The following SLC14A2 variants were observed in gnomAD, a reference collection of about 807,000 sequenced individuals.
The protein encoded by SLC14A2 is urea transporter 2.
Under a neutral mutation model 104.6 loss-of-function variants are expected in SLC14A2, and 91 were observed. That is an observed-to-expected ratio of 0.87 (90% confidence interval 0.73 to 1.04). SLC14A2 has a LOEUF of 1.04. Ranked by LOEUF, SLC14A2 falls within the 50% of genes least tolerant of loss-of-function variation. SLC14A2 has a pLI of 0.00. For missense variants in SLC14A2, 1,189 were observed against 1,156.0 expected, an observed-to-expected ratio of 1.03 and a Z score of -0.41; for synonymous variants, 476 against 466.4, an observed-to-expected ratio of 1.02 and a Z score of -0.27.
chr18:45,226,658 G>A (rs1461221666), intron 1 of SLC14A2, among the ~76,000 whole-genome samples: 4 of 134,550 alleles, frequency 3.0e-5, no homozygotes, highest in Non-Finnish European at 4.8e-5. Flanking sequence ...ATCACACAAC[G>A]GGGCCTGTTG....
chr18:45,504,452 G>A (rs566244579), intron 2 of SLC14A2, among the ~76,000 whole-genome samples: 1 of 152,296 alleles, frequency 6.6e-6, no homozygotes, highest in African/African-American at 2.4e-5. Flanking sequence ...CTGGTACATA[G>A]TAGCCATACT....
chr18:45,176,529 A>G, the SLC14A2 span, among the ~76,000 whole-genome samples: 9 of 152,094 alleles, frequency 5.9e-5, no homozygotes, highest in African/African-American at 2.2e-4. Flanking sequence ...TTCCATTTCT[A>G]TGGCTACTCA....
chr18:45,660,355 G>C (rs1485088017), intron 10 of SLC14A2, among the ~76,000 whole-genome samples: 1 of 152,134 alleles, frequency 6.6e-6, no homozygotes, highest in African/African-American at 2.4e-5. Flanking sequence ...TGCCAGGTGT[G>C]CCCTAACGAT....
chr18:45,211,852 G>A (rs1245763881), upstream of SLC14A2, among the ~76,000 whole-genome samples: 3 of 152,196 alleles, frequency 2.0e-5, no homozygotes, highest in Admixed American at 6.5e-5. Flanking sequence ...AGTGGGCTGA[G>A]TTAAGATGAG....
intron 1 of SLC14A2, among the ~76,000 whole-genome samples, chr18:45,214,348 T>C (rs1472210076): frequency 1.3e-5 from 2 of 152,174 alleles, no homozygotes; most frequent in Non-Finnish European, 2.9e-5. Context: ...CTGTGTATCT[T>C]GAGGGAAATC....
At chr18:45,671,482 C>T (rs1389734181) in intron 16 of SLC14A2, among the ~76,000 whole-genome samples, 1 of 152,102 alleles carries the variant, frequency 6.6e-6, no homozygotes, top group African/African-American at 2.4e-5. Flanking sequence ...AATGTTGAGT[C>T]CCCACGGCTT....
chr18:45,644,240 C>T, intron 10 of SLC14A2, 80 bp downstream of exon 10: 1 of 1,419,612 alleles, frequency 7.0e-7, no homozygotes, highest in Non-Finnish European at 9.8e-7. Context: ...CTGGTTCAAT[C>T]AGTTGCAGCA....
At chr18:45,637,803 T>C (rs1295104751) in intron 6 of SLC14A2, among the ~76,000 whole-genome samples, 1 of 152,192 alleles carries the variant, frequency 6.6e-6, no homozygotes, top group Non-Finnish European at 1.5e-5. Flanking sequence ...TTTTCCTTTT[T>C]GTTTAATCAG....
intron 1 of SLC14A2, among the ~76,000 whole-genome samples, chr18:45,361,601 T>G (rs2085611791): frequency 6.6e-6 from 1 of 151,980 alleles, no homozygotes; most frequent in Admixed American, 6.6e-5. Flanking sequence ...GTATGCAGAG[T>G]CCCTGAAGCA....
chr18:45,523,790 C>T lies in SLC14A2; in HGVS notation c.-35+40468C>T, dbSNP rs151001129. On this transcript the variant is annotated intron_variant, in intron 2 of 20. Coordinates refer to the SLC14A2 transcript ENST00000586448. ...CCACTGAGGGCTTCCTTTAAGGGCA[C>T]TATTTCACTTTTCCCAGGTCGTCCA... is the stretch of plus-strand genomic sequence containing the variant. 7.2e-5 allele frequency among the ~76,000 whole-genome samples: 11 copies of T among 152,288 alleles called. No individual in the cohort carries two copies. The East Asian group carries it at 1.7e-3, about 24-fold the overall frequency.
intron 1 of SLC14A2, among the ~76,000 whole-genome samples, chr18:45,262,153 G>T (rs1338346227): frequency 1.3e-5 from 2 of 152,028 alleles, no homozygotes; most frequent in East Asian, 3.9e-4. Context: ...TTTCTCTGAT[G>T]GCCAGTGATG....
At chr18:45,445,885 T>G (rs1447118241) in intron 1 of SLC14A2, among the ~76,000 whole-genome samples, 1 of 152,286 alleles carries the variant, frequency 6.6e-6, no homozygotes, top group African/African-American at 2.4e-5. Context: ...GAAGCCACAT[T>G]AGTAACACGT....
intron 1 of SLC14A2, among the ~76,000 whole-genome samples, chr18:45,321,355 T>C (rs2085183375): frequency 6.6e-6 from 1 of 152,254 alleles, no homozygotes; most frequent in African/African-American, 2.4e-5. Context: ...ATATCATTAC[T>C]GTAAGGTCCA....
chr18:45,495,596 T>C (rs565625282), intron 2 of SLC14A2, among the ~76,000 whole-genome samples: 92 of 152,304 alleles, frequency 6.0e-4, no homozygotes, highest in African/African-American at 2.1e-3. Flanking sequence ...TACATTTCTA[T>C]GAGACAGTGT....
intron 1 of SLC14A2, among the ~76,000 whole-genome samples, chr18:45,355,681 C>G (rs1166885139): frequency 6.6e-6 from 1 of 151,566 alleles, no homozygotes. Flanking sequence ...CTGCCACACA[C>G]TCCCACAGTC....
chr18:45,607,353 G>T lies in SLC14A2; in HGVS notation c.-34-17278G>T, dbSNP rs190668806. Reference sequence around the variant, plus strand: ...CTTACATGGTCTGTCATCCCATTTTGTCAGCAGACTACCTCCAAATTTATA... The same window carrying T: ...CTTACATGGTCTGTCATCCCATTTTTTCAGCAGACTACCTCCAAATTTATA... On this transcript the variant is annotated intron_variant, in intron 2 of 20. Coordinates refer to the SLC14A2 transcript ENST00000586448. 6.3e-3 allele frequency among the ~76,000 whole-genome samples: 961 copies of T among 152,200 alleles called. 13 individuals carry two copies. Among genetic ancestry groups the T allele is most frequent in the African/African-American group, 0.022 (913 of 41,534 alleles).
intron 2 of SLC14A2, among the ~76,000 whole-genome samples, chr18:45,583,786 C>T (rs761316125): frequency 2.0e-5 from 3 of 151,910 alleles, no homozygotes; most frequent in Non-Finnish European, 4.4e-5. Flanking sequence ...TATAAAAACA[C>T]CCACTGTGGT....
chr18:45,559,394 A>G (rs1222145542), intron 2 of SLC14A2, among the ~76,000 whole-genome samples: 1 of 152,150 alleles, frequency 6.6e-6, no homozygotes, highest in African/African-American at 2.4e-5. Flanking sequence ...TTGGCTAGGA[A>G]AAAAGGAACA....
At chr18:45,654,405 T>C (rs1220904641) in intron 10 of SLC14A2, among the ~76,000 whole-genome samples, 1 of 152,040 alleles carries the variant, frequency 6.6e-6, no homozygotes, top group Non-Finnish European at 1.5e-5. Context: ...GTCCCGATGA[T>C]CTAGATTCCT....
Sources: gnomAD v4.1 joint callset for allele counts (sites outside exome capture counted in the v4.1 genomes callset) on GRCh38, gnomAD v4.1.1 for gene constraint, MANE v1.5 for transcripts, NCBI Gene and HGNC (gene_info 2026-07-23, HGNC 2026-07-21) for gene names.